The following YEATS4 variants were observed in gnomAD, a reference collection of about 807,000 sequenced individuals.
The protein encoded by YEATS4 is YEATS domain containing 4, also known as YEATS domain-containing protein 4.
YEATS4 carries 17 observed loss-of-function variants against 30.1 expected under a neutral mutation model. The observed-to-expected ratio is 0.56, with a 90% CI of 0.39 to 0.85. The LOEUF (loss-of-function observed/expected upper bound fraction) is 0.85, where lower values mean the gene tolerates loss of function less well. Among genes scored for constraint, YEATS4 ranks in the 40% least tolerant of loss-of-function variants. The pLI, the probability that YEATS4 is intolerant of heterozygous loss-of-function variation, is 0.00. For missense variants in YEATS4, 142 were observed against 268.3 expected, an observed-to-expected ratio of 0.53 and a Z score of 3.29; for synonymous variants, 85 against 87.5, an observed-to-expected ratio of 0.97 and a Z score of 0.16.
chr12:69,362,972 A>G (rs943017562), intron 2 of YEATS4, 65 bp downstream of exon 2: 8 of 1,143,716 alleles, frequency 7.0e-6, no homozygotes, highest in Non-Finnish European at 9.5e-6. Flanking sequence ...TTGCTTAAAG[A>G]CAACCTGTAG....
chr12:69,405,787 C>G, the YEATS4 span, among the ~76,000 whole-genome samples: 7 of 152,266 alleles, frequency 4.6e-5, no homozygotes, highest in African/African-American at 1.7e-4. Context: ...ATGAAACTTT[C>G]TGGAATTTTC....
the YEATS4 span, among the ~76,000 whole-genome samples, chr12:69,405,018 A>G: frequency 6.6e-6 from 1 of 152,214 alleles, no homozygotes; most frequent in South Asian, 2.1e-4. Context: ...GCAGAGAGAG[A>G]GAGGAAGATA....
At position 69,390,325 on chromosome 12, in the gene YEATS4, C is replaced by T. The variant is rs1868302518; in HGVS notation, c.*9C>T. ...AAGCAAAAGACATATAAACAGTTCTCATGAGAACTTGGTAGTAAGCTAAAC... is the reference window on the plus strand; with the variant it reads ...AAGCAAAAGACATATAAACAGTTCTTATGAGAACTTGGTAGTAAGCTAAAC... On this transcript the variant is annotated 3_prime_UTR_variant, in exon 7 of 7. Transcript: ENST00000247843. 1.3e-6 allele frequency: 2 copies of T among 1,555,844 alleles called. No individual in the cohort carries two copies. The highest frequency in any genetic ancestry group is 1.7e-6 in the Non-Finnish European group (2 of 1,160,124).
chr12:69,403,595 A>G, the YEATS4 span, among the ~76,000 whole-genome samples: 1 of 152,012 alleles, frequency 6.6e-6, no homozygotes, highest in Non-Finnish European at 1.5e-5. Context: ...AAAAAAAGAA[A>G]AAAAGAGGGG....
At chr12:69,420,715 G>T in the YEATS4 span, among the ~76,000 whole-genome samples, 1 of 151,904 alleles carries the variant, frequency 6.6e-6, no homozygotes, top group South Asian at 2.1e-4. Flanking sequence ...ATGGTCAAAG[G>T]TGATAAATGT....
the YEATS4 span, among the ~76,000 whole-genome samples, chr12:69,418,831 C>T: frequency 1.3e-5 from 2 of 151,846 alleles, no homozygotes; most frequent in Non-Finnish European, 2.9e-5. Flanking sequence ...TACATGTAGT[C>T]CTAATTTCTT....
intron 2 of YEATS4, 26 bp downstream of exon 2, chr12:69,362,933 GTTTTAC>G: frequency 7.9e-7 from 1 of 1,265,454 alleles, no homozygotes; most frequent in Non-Finnish European, 1.0e-6. Context: ...TTCTGTAACT[GTTTTAC>G]TTAAAGTTGT....
intron 6 of YEATS4, among the ~76,000 whole-genome samples, chr12:69,375,442 C>T (rs2120988415): frequency 6.6e-6 from 1 of 150,816 alleles, no homozygotes; most frequent in East Asian, 2.0e-4. Flanking sequence ...CAGAGGGGCT[C>T]CTCACATCCC....
At chr12:69,423,736 A>T in the YEATS4 span, among the ~76,000 whole-genome samples, 35,303 of 152,164 alleles carry the variant, frequency 0.23, 4,314 homozygotes, top group African/African-American at 0.31. Flanking sequence ...GAAAGAACAC[A>T]CTGGCTTCAT....
In YEATS4 at chr12:69,360,114, C is replaced by T. The variant is rs1875131643; in HGVS notation, c.51+91C>T. On this transcript the variant is annotated intron_variant, in intron 1 of 6. Transcript: ENST00000247843. The stretch of plus-strand genomic sequence containing the variant: ...GGGGAGGGCCCACTGGGTTTCCTTT[C>T]GCGCCTTTTCTCCTCGGGTTTGAAC... 4 of 1,414,116 alleles carry T rather than the reference C, an allele frequency of 2.8e-6. No homozygotes were observed. In the Admixed American group the frequency reaches 6.5e-5, roughly 23 times the overall value. The allele number at this position is 1,414,116 out of a possible 1,614,324, so 87.6% of individuals were successfully genotyped here.
chr12:69,409,666 T>G, the YEATS4 span, among the ~76,000 whole-genome samples: 1 of 152,024 alleles, frequency 6.6e-6, no homozygotes, highest in African/African-American at 2.4e-5. Flanking sequence ...TATTGAGGTA[T>G]AATTTACATA....
At chr12:69,419,951 A>G in the YEATS4 span, among the ~76,000 whole-genome samples, 2 of 152,120 alleles carry the variant, frequency 1.3e-5, no homozygotes, top group Admixed American at 1.3e-4. Context: ...GCGGTGGGAG[A>G]TAAGGTTGGA....
In YEATS4 at chr12:69,380,556, G is replaced by A. The variant is rs527566341; in HGVS notation, c.514+9581G>A. 2.6e-5 allele frequency among the ~76,000 whole-genome samples: 4 copies of A among 152,252 alleles called. No homozygotes were observed. In the East Asian group the frequency reaches 7.7e-4, roughly 29 times the overall value. On this transcript the variant is annotated intron_variant, in intron 6 of 6. Transcript: ENST00000247843. ...GGGACTGCCTTAGGTCAGACTTGAA[G>A]CCAGCACATTACTGGGTCTTGCCCA... is the stretch of plus-strand genomic sequence containing the variant.
At chr12:69,417,153 A>ATTTTTT in the YEATS4 span, among the ~76,000 whole-genome samples, 1 of 136,378 alleles carries the variant, frequency 7.3e-6, no homozygotes, top group African/African-American at 2.7e-5. Flanking sequence ...ATTTTTTAAA[A>ATTTTTT]ATTTTTTTTT....
chr12:69,364,335 A>G, intron 2 of YEATS4: 1 of 252,066 alleles, frequency 4.0e-6, no homozygotes, highest in South Asian at 3.6e-5. Flanking sequence ...TATTTTTTAA[A>G]TAATAAAGTT....
At chr12:69,417,243 A>G in the YEATS4 span, among the ~76,000 whole-genome samples, 5 of 141,602 alleles carry the variant, frequency 3.5e-5, no homozygotes, top group Non-Finnish European at 7.6e-5. Flanking sequence ...CTGCAGCCTC[A>G]ACTTCCTGGG....
At position 69,370,932 on chromosome 12, in the gene YEATS4, A is replaced by T. The variant is rs147431559; in HGVS notation, c.471A>T (p.Thr157=). Residue 157 remains threonine (T), a synonymous_variant, in exon 6 of 7, where the codon ACA becomes ACT. Transcript: ENST00000247843. The stretch of plus-strand genomic sequence containing the variant: ...CAATGATGCAACAATTATTGACAAC[A>T]TCTCGTCAGCTAACATTAGGAGCCT... ...PTAMMQQLLT[T]SRQLTLGAYK... 2.2e-5 allele frequency: 36 copies of T among 1,613,422 alleles called. No homozygotes were observed. In the East Asian group the frequency reaches 5.8e-4, roughly 26 times the overall value.
At chr12:69,369,488 T>G (rs1230024903) in intron 4 of YEATS4, among the ~76,000 whole-genome samples, 1 of 152,164 alleles carries the variant, frequency 6.6e-6, no homozygotes, top group Non-Finnish European at 1.5e-5. Context: ...GAAGAGAAAG[T>G]CAAGAGGCCT....
chr12:69,398,380 A>G, the YEATS4 span, among the ~76,000 whole-genome samples: 1 of 152,220 alleles, frequency 6.6e-6, no homozygotes, highest in Non-Finnish European at 1.5e-5. Flanking sequence ...GAACGATTAT[A>G]TACAAAAATC....
Sources: allele counts gnomAD v4.1 joint callset (sites outside exome capture counted in the v4.1 genomes callset), GRCh38; gene constraint gnomAD v4.1.1; transcripts MANE v1.5; gene names NCBI Gene and HGNC (gene_info 2026-07-23, HGNC 2026-07-21).